OR51L1: variants seen among roughly 807,000 people sequenced by gnomAD.
The protein encoded by OR51L1 is olfactory receptor 51L1.
Under a neutral mutation model 1.4 loss-of-function variants are expected in OR51L1, and 1 was observed. The ratio of observed to expected loss-of-function variants is 0.72; its 90% CI spans 0.26 to 3.42. OR51L1 has a LOEUF of 3.42. OR51L1 is among the 30% of genes most tolerant of loss of function. The pLI is 0.20. For missense variants in OR51L1, 378 were observed against 380.0 expected (o/e 0.99, Z 0.04); for synonymous variants, 156 against 144.2 (o/e 1.08, Z -0.59).
chr11:4,999,967 C>G lies in OR51L1; in HGVS notation c.*37C>G. The G allele has an allele frequency of 1.3e-6, 2 of 1,549,020 alleles. No homozygotes were observed. The highest frequency in any genetic ancestry group is 1.7e-6 in the Non-Finnish European group (2 of 1,150,324). ...CCTCCAACTTTTCCACTGAAAATCT[C>G]ATGGAAGCTGTTTTAGTATATGAAA... On this transcript the variant is annotated 3_prime_UTR_variant, in exon 3 of 3. Transcript: ENST00000641819.
rs1028555342 is a variant in OR51L1 at position 5,004,477 on chromosome 11, C to T, written c.*4547C>T. 1 of 152,162 alleles carries T rather than the reference C, an allele frequency of 6.6e-6. No individual in the cohort carries two copies. Among genetic ancestry groups the T allele is most frequent in the African/African-American group, 2.4e-5 (1 of 41,440 alleles). 9.4% of individuals were successfully genotyped at this position (152,162 alleles called of 1,614,324 possible). On this transcript the variant is annotated 3_prime_UTR_variant, in exon 3 of 3. Transcript: ENST00000641819. ...GGGAAGCCAGTCCCTAGAGTAACTG[C>T]AAGACTCAGTAAGAGTCTAGCCATA... is the stretch of plus-strand genomic sequence containing the variant.
intron 2 of OR51L1, among the ~76,000 whole-genome samples, 198 bp from the exon 3 acceptor site, chr11:4,998,626 C>G (rs1431009303): frequency 6.6e-6 from 1 of 152,124 alleles, no homozygotes; most frequent in Non-Finnish European, 1.5e-5. Flanking sequence ...CATCGACATT[C>G]ACTCTGACTT....
rs1170340787 is a variant in OR51L1 at position 5,004,618 on chromosome 11, T to C, written c.*4688T>C. On this transcript the variant is annotated 3_prime_UTR_variant, in exon 3 of 3. Transcript: ENST00000641819. ...TACACACGAACTTCTCTTACAAGTG[T>C]CCCTGCGGCACCCTCTGCTGGCCAA... 1.3e-5 allele frequency: 2 copies of C among 152,080 alleles called. No homozygotes were observed. The allele number at this position is 152,080 out of a possible 1,614,324, so 9.4% of individuals were successfully genotyped here.
In OR51L1 at chr11:4,999,522, C is replaced by T. The variant is rs778533813; in HGVS notation, c.540C>T (p.Phe180=). The change falls in exon 3 of 3, where the codon TTC becomes TTT. Residue 180 remains phenylalanine (F), a synonymous_variant. Coordinates refer to ENST00000641819, the MANE Select transcript of OR51L1 (RefSeq NM_001004755.2). ...YCHGNALSHA[F]CLHQDVLRLS... ...ATGGCAATGCCCTCTCTCACGCCTT[C>T]TGTTTGCACCAGGATGTTCTAAGAT... The T allele has an allele frequency of 6.2e-7, 1 of 1,613,942 alleles. No homozygotes were observed. Among genetic ancestry groups the T allele is most frequent in the African/African-American group, 1.3e-5 (1 of 74,898 alleles).
Position 4,997,521 on chromosome 11 carries a change from A to G in OR51L1, c.-222A>G, listed in dbSNP as rs7933046. The G allele has an allele frequency of 0.29, 44,755 of 151,976 alleles. 6,850 individuals carry two copies. Among genetic ancestry groups the G allele is most frequent in the African/African-American group, 0.34 (14,129 of 41,418 alleles). 9.4% of individuals were successfully genotyped at this position (151,976 alleles called of 1,614,324 possible). A position where few individuals can be genotyped will look rare whatever the true frequency, so the allele number is the denominator to read the frequency against. ...GTCCAGAAGGAGGGTTGAGGGAATT[A>G]CTGAGATGTTGCTACAGAGAGATGT... is the stretch of plus-strand genomic sequence containing the variant. On this transcript the variant is annotated 5_prime_UTR_variant, in exon 2 of 3. Transcript: ENST00000641819.
chr11:4,999,295 T>C lies in OR51L1; in HGVS notation c.313T>C (p.Phe105Leu). 6.2e-7 allele frequency: 1 copy of C among 1,614,186 alleles called. No individual in the cohort carries two copies. The highest frequency in any genetic ancestry group is 1.1e-5 in the South Asian group (1 of 91,086). The change falls in exon 3 of 3, where the codon TTC (phenylalanine) becomes CTC (leucine). Residue 105 changes from phenylalanine (F) to leucine (L), a missense_variant. By Grantham distance (22) the Phe-to-Leu change is conservative. Transcript: ENST00000641819. ...AAGTGCTTGCTATGCTCAGCTGTTC[T>C]TCATCCACACATTCACATTCCTGGA... ...QASACYAQLFFIHTFTFLESS... is the reference protein window; with the variant it reads ...QASACYAQLFLIHTFTFLESS...
Position 4,999,658 on chromosome 11 carries a change from A to G in OR51L1, c.676A>G (p.Thr226Ala), listed in dbSNP as rs1371450202. The change falls in exon 3 of 3, where the codon ACT becomes GCT. Residue 226 changes from threonine to alanine, a missense_variant. Coordinates refer to ENST00000641819, the MANE Select transcript of OR51L1 (RefSeq NM_001004755.2). ...ILLSYVLILN[T>A]VLDIASREEQ... ...TCTTTCTTATGTTCTGATTCTTAAT[A>G]CTGTGCTGGATATTGCATCTCGTGA... is the stretch of plus-strand genomic sequence containing the variant. 1 of 1,613,994 alleles carries G rather than the reference A, an allele frequency of 6.2e-7. No homozygotes were observed. Among genetic ancestry groups the G allele is most frequent in the Non-Finnish European group, 8.5e-7 (1 of 1,179,972 alleles).
Position 5,003,458 on chromosome 11 carries a change from TG to T in OR51L1, c.*3529del, listed in dbSNP as rs1437879536. On this transcript the variant is annotated 3_prime_UTR_variant, in exon 3 of 3. Coordinates refer to ENST00000641819, the MANE Select transcript of OR51L1 (RefSeq NM_001004755.2). ...CATCTGCATTCTATTAGCAGTTTAG[TG>T]CAACAGGTGTGGACCATCAGGAAAT... The T allele has an allele frequency of 6.6e-6, 1 of 152,190 alleles. No individual in the cohort carries two copies. Among genetic ancestry groups the T allele is most frequent in the Non-Finnish European group, 1.5e-5 (1 of 68,094 alleles). The allele number at this position is 152,190 out of a possible 1,614,324, so 9.4% of individuals were successfully genotyped here.
At position 5,002,547 on chromosome 11, in the gene OR51L1, A is replaced by AT. The variant is rs35651644; in HGVS notation, c.*2630dup. 730 of 148,620 alleles carry AT rather than the reference A, an allele frequency of 4.9e-3. 4 individuals are homozygous for AT. The highest frequency in any genetic ancestry group is 7.0e-3 in the Middle Eastern group (2 of 286). The allele number at this position is 148,620 out of a possible 1,614,324, so 9.2% of individuals were successfully genotyped here. ...CAGTAAGTCCAGTAGAAAGCCTTCA[A>AT]TTTTTTTTTTTTTACCTTTTCAGGA... On this transcript the variant is annotated 3_prime_UTR_variant, in exon 3 of 3. Transcript: ENST00000641819.
chr11:4,997,819 G>C lies in OR51L1; in HGVS notation c.-160+236G>C, dbSNP rs142006301. On this transcript the variant is annotated intron_variant, in intron 2 of 2. Transcript: ENST00000641819. ...TTAATATCATATTTTGAAACACTCA[G>C]AAGAGCTTGGTTGTTTCTAAGAGGC... is the stretch of plus-strand genomic sequence containing the variant. Among the ~76,000 whole-genome samples, 11 of 152,264 alleles carry C rather than the reference G, an allele frequency of 7.2e-5. No individual in the cohort carries two copies. In the East Asian group the frequency reaches 2.1e-3, roughly 29 times the overall value.
In OR51L1 at chr11:4,995,031, A is replaced by G. The variant is rs1847055211; in HGVS notation, c.-566A>G. The G allele has an allele frequency of 6.6e-6, 1 of 152,176 alleles. No homozygotes were observed. Among genetic ancestry groups the G allele is most frequent in the Non-Finnish European group, 1.5e-5 (1 of 67,996 alleles). 9.4% of individuals were successfully genotyped at this position (152,176 alleles called of 1,614,324 possible). A position where few individuals can be genotyped will look rare whatever the true frequency, so the allele number is the denominator to read the frequency against. On this transcript the variant is annotated 5_prime_UTR_variant, in exon 1 of 3. Coordinates refer to ENST00000641819, the MANE Select transcript of OR51L1 (RefSeq NM_001004755.2). ...ATTAGAAGAAAGAAACAGCCAATCA[A>G]AGGGACCGGAAAAAATAGAGGATTA... is the stretch of plus-strand genomic sequence containing the variant.
chr11:4,999,495 C>A lies in OR51L1; in HGVS notation c.513C>A (p.Cys171Ter). Residue 171 changes from cysteine (C) to a stop codon, truncating the protein, a stop_gained, in exon 3 of 3, where the codon TGC (cysteine) becomes TGA (stop). Transcript: ENST00000641819. LOFTEE classifies it low-confidence loss of function (END_TRUNC). ...TGCTACTGAGACACTATCACTACTG[C>A]CATGGCAATGCCCTCTCTCACGCCT... ...TPLLLRHYHYCHGNALSHAFC... is the reference protein window; with the variant it reads ...TPLLLRHYHY 6.2e-7 allele frequency: 1 copy of A among 1,614,082 alleles called. No individual in the cohort carries two copies. The highest frequency in any genetic ancestry group is 8.5e-7 in the Non-Finnish European group (1 of 1,180,032).
Position 5,002,735 on chromosome 11 carries a change from G to C in OR51L1, c.*2805G>C, listed in dbSNP as rs1416255445. The C allele has an allele frequency of 1.3e-5, 2 of 152,212 alleles. No homozygotes were observed. Among genetic ancestry groups the C allele is most frequent in the Non-Finnish European group, 2.9e-5 (2 of 68,024 alleles). The allele number at this position is 152,212 out of a possible 1,614,324, so 9.4% of individuals were successfully genotyped here. On this transcript the variant is annotated 3_prime_UTR_variant, in exon 3 of 3. Coordinates refer to ENST00000641819, the MANE Select transcript of OR51L1 (RefSeq NM_001004755.2). ...TGATGTTGGACAAGGCTATCTTCAG[G>C]CCTGATTCACAGGTCAACTTTTCCC...
chr11:5,000,853 G>C lies in OR51L1; in HGVS notation c.*923G>C, dbSNP rs1012377772. ...GGTGGGTCATCCAGTAGTCTGGCCAGTGGGGGAGAATTTGGTAGGGTGCTT... is the reference window on the plus strand; with the variant it reads ...GGTGGGTCATCCAGTAGTCTGGCCACTGGGGGAGAATTTGGTAGGGTGCTT... On this transcript the variant is annotated 3_prime_UTR_variant, in exon 3 of 3. Transcript: ENST00000641819. 5 of 152,412 alleles carry C rather than the reference G, an allele frequency of 3.3e-5. No individual in the cohort carries two copies. Among genetic ancestry groups the C allele is most frequent in the African/African-American group, 9.7e-5 (4 of 41,438 alleles). 9.4% of individuals were successfully genotyped at this position (152,412 alleles called of 1,614,324 possible).
rs931221481 is a variant in OR51L1, at chr11:5,003,985, A to C, written c.*4055A>C. On this transcript the variant is annotated 3_prime_UTR_variant, in exon 3 of 3. Transcript: ENST00000641819. ...AGGATCCAGTAAGAAGACAAAAATC[A>C]CACAGTAATTTGAATAGAGTTTATA... 7.2e-5 allele frequency: 11 copies of C among 152,232 alleles called. No homozygotes were observed. Among genetic ancestry groups the C allele is most frequent in the African/African-American group, 2.7e-4 (11 of 41,468 alleles). The allele number at this position is 152,232 out of a possible 1,614,324, so 9.4% of individuals were successfully genotyped here.
In OR51L1 at chr11:5,003,664, C is replaced by T. The variant is rs184347199; in HGVS notation, c.*3734C>T. 3 of 152,078 alleles carry T rather than the reference C, an allele frequency of 2.0e-5. No individual in the cohort carries two copies. The highest frequency in any genetic ancestry group is 4.4e-5 in the Non-Finnish European group (3 of 67,984). The allele number at this position is 152,078 out of a possible 1,614,324, so 9.4% of individuals were successfully genotyped here. A position where few individuals can be genotyped will look rare whatever the true frequency, so the allele number is the denominator to read the frequency against. The stretch of plus-strand genomic sequence containing the variant: ...TTCTCAAGGATTCCTTTTTTTCAGG[C>T]AGATGAAACAGGATGAGAATTCAAG... On this transcript the variant is annotated 3_prime_UTR_variant, in exon 3 of 3. Coordinates refer to ENST00000641819, the MANE Select transcript of OR51L1 (RefSeq NM_001004755.2).
chr11:5,000,172 G>T lies in OR51L1; in HGVS notation c.*242G>T. On this transcript the variant is annotated 3_prime_UTR_variant, in exon 3 of 3. Transcript: ENST00000641819. Reference sequence around the variant, plus strand: ...AAGACTTATAATAGAAAATGTATGTGCTAAGTCAAGTTTTTTGAAAACTAT... The same window carrying T: ...AAGACTTATAATAGAAAATGTATGTTCTAAGTCAAGTTTTTTGAAAACTAT... The T allele has an allele frequency of 2.7e-6, 1 of 372,692 alleles. No individual in the cohort carries two copies. The highest frequency in any genetic ancestry group is 4.8e-6 in the Non-Finnish European group (1 of 207,584). 23.1% of individuals were successfully genotyped at this position (372,692 alleles called of 1,614,324 possible). A position where few individuals can be genotyped will look rare whatever the true frequency, so the allele number is the denominator to read the frequency against.
In OR51L1 at chr11:5,004,176, T is replaced by TTTG. The variant is rs1847155944; in HGVS notation, c.*4246_*4247insTTG. 6.6e-6 allele frequency: 1 copy of TTTG among 152,166 alleles called. No homozygotes were observed. The highest frequency in any genetic ancestry group is 1.5e-5 in the Non-Finnish European group (1 of 68,034). The allele number at this position is 152,166 out of a possible 1,614,324, so 9.4% of individuals were successfully genotyped here. ...GGTTGAAACTTCATTTGAGAATGCA[T>TTTG]AGTCTTAGCATCCTGGATGCCAGAA... On this transcript the variant is annotated 3_prime_UTR_variant, in exon 3 of 3. Coordinates refer to ENST00000641819, the MANE Select transcript of OR51L1 (RefSeq NM_001004755.2).
In OR51L1 at chr11:5,000,896, G is replaced by T. The variant is rs1031691711; in HGVS notation, c.*966G>T. On this transcript the variant is annotated 3_prime_UTR_variant, in exon 3 of 3. Transcript: ENST00000641819. Reference sequence around the variant, plus strand: ...GGGTGCTTGGTTTGTTTTAAGACTTGGTCTATGGAACTTCTTTTTCTTTCT... The same window carrying T: ...GGGTGCTTGGTTTGTTTTAAGACTTTGTCTATGGAACTTCTTTTTCTTTCT... 1 of 152,142 alleles carries T rather than the reference G, an allele frequency of 6.6e-6. No individual in the cohort carries two copies. Among genetic ancestry groups the T allele is most frequent in the African/African-American group, 2.4e-5 (1 of 41,364 alleles). The allele number at this position is 152,142 out of a possible 1,614,324, so 9.4% of individuals were successfully genotyped here.
Sources: allele counts gnomAD v4.1 joint callset (sites outside exome capture counted in the v4.1 genomes callset), GRCh38; gene constraint gnomAD v4.1.1; transcripts MANE v1.5; gene names NCBI Gene and HGNC (gene_info 2026-07-23, HGNC 2026-07-21).